GGA2: variants seen among roughly 807,000 people sequenced by gnomAD.
The protein encoded by GGA2 is ADP-ribosylation factor-binding protein GGA2.
In GGA2, 48 loss-of-function variants were observed where a neutral mutation model predicts 79.5. The observed-to-expected ratio is 0.60, with a 90% CI of 0.48 to 0.77. The LOEUF is 0.77. GGA2 is among the 30% of genes least tolerant of loss of function. GGA2 has a pLI of 0.00. For missense variants in GGA2, 770 were observed against 774.0 expected (o/e 0.99, Z 0.06); for synonymous variants, 317 against 302.0 (o/e 1.05, Z -0.51).
upstream of GGA2, among the ~76,000 whole-genome samples, chr16:23,510,948 TTAGAGACTGGGTTTCACCATGTTGCCCGG>T (rs1965046266): frequency 1.7e-5 from 2 of 121,066 alleles, no homozygotes; most frequent in African/African-American, 3.3e-5. Flanking sequence ...TGTGTGTGTG[TTAGAGACTGGGTTTCACCATGTTGCCCGG>T]GTGGTCTCGA....
chr16:23,494,428 A>C, intron 2 of GGA2, 50 bp from the exon 3 acceptor site: 1 of 1,163,798 alleles, frequency 8.6e-7, no homozygotes, highest in Non-Finnish European at 1.3e-6. Flanking sequence ...AAAGAAACTA[A>C]CCCGAGTGGC....
upstream of GGA2, among the ~76,000 whole-genome samples, chr16:23,514,045 A>T (rs1965089522): frequency 6.6e-6 from 1 of 152,114 alleles, no homozygotes; most frequent in Non-Finnish European, 1.5e-5. Context: ...ACCTAAATAT[A>T]AAAGTAGACA....
At chr16:23,495,604 C>A (rs530902174) in intron 2 of GGA2, 90 bp downstream of exon 2, 4 of 689,046 alleles carry the variant, frequency 5.8e-6, no homozygotes, top group Admixed American at 2.6e-5. Flanking sequence ...GCCTAGAGAG[C>A]TTAACCCTAA....
Position 23,488,702 on chromosome 16 carries a change from T to C in GGA2, c.483A>G (p.Ile161Met), listed in dbSNP as rs1285929903. ...AYQMLKKQGIIKQDPKLPVDK... is the reference protein window; with the variant it reads ...AYQMLKKQGIMKQDPKLPVDK... ...CCACTGGTAGTTTAGGGTCTTGTTTTATAATTCCTAAAAATGCAATTTACA... is the reference window on the plus strand; with the variant it reads ...CCACTGGTAGTTTAGGGTCTTGTTTCATAATTCCTAAAAATGCAATTTACA... The change falls in exon 6 of 17, where the codon ATA becomes ATG. Residue 161 changes from isoleucine (I) to methionine (M), a missense_variant. Coordinates refer to ENST00000309859, the MANE Select transcript of GGA2 (RefSeq NM_015044.4). The C allele has an allele frequency of 3.8e-6, 6 of 1,570,922 alleles. No individual in the cohort carries two copies. The Admixed American group carries it at 5.1e-5, about 13-fold the overall frequency.
chr16:23,486,607 C>G, intron 7 of GGA2, 103 bp downstream of exon 7: 2 of 786,852 alleles, frequency 2.5e-6, no homozygotes, highest in Non-Finnish European at 4.6e-6. Context: ...CACTCTTTCT[C>G]CCAGGCAACC....
At chr16:23,522,700 C>G (rs181339790), upstream of GGA2, 3 of 152,190 alleles carry the variant, frequency 2.0e-5, no homozygotes, top group African/African-American at 4.8e-5. Flanking sequence ...ACTGCTGAAA[C>G]GCAAATTATC....
In GGA2 at chr16:23,521,797, C is replaced by T. The variant is rs117638360; in HGVS notation, c.4G>A (p.Val2Ile). 4.0e-3 allele frequency: 1,797 copies of T among 454,122 alleles called. 6 individuals are homozygous for T. Among genetic ancestry groups the T allele is most frequent in the Non-Finnish European group, 5.9e-3 (1,344 of 226,330 alleles). 28.1% of individuals were successfully genotyped at this position (454,122 alleles called of 1,614,324 possible). A position where few individuals can be genotyped will look rare whatever the true frequency, so the allele number is the denominator to read the frequency against. ...CACTTTGTTAAAAACACTCACTTGA[C>T]CATGAGCCAAGAAGCTCCTTTTAAC... Residue 2 changes from valine to isoleucine, a missense_variant, in exon 1 of 6, where the codon GTC (valine) becomes ATC (isoleucine). Transcript: ENST00000569300.
chr16:23,467,441 C>CTGCAGAA lies in GGA2; in HGVS notation c.*142_*148dup, dbSNP rs1964454649. 2 of 615,186 alleles carry CTGCAGAA rather than the reference C, an allele frequency of 3.3e-6. No homozygotes were observed. Among genetic ancestry groups the CTGCAGAA allele is most frequent in the Non-Finnish European group, 5.9e-6 (2 of 338,886 alleles). The allele number at this position is 615,186 out of a possible 1,614,324, so 38.1% of individuals were successfully genotyped here. A position where few individuals can be genotyped will look rare whatever the true frequency, so the allele number is the denominator to read the frequency against. ...ACACACACACACACACACAGAGCATCTGCAGAATAAGTCAGAGGTTGACAC... is the reference window on the plus strand; with the variant it reads ...ACACACACACACACACACAGAGCATCTGCAGAATGCAGAATAAGTCAGAGGTTGACAC... On this transcript the variant is annotated 3_prime_UTR_variant, in exon 17 of 17. Transcript: ENST00000309859.
intron 1 of GGA2, among the ~76,000 whole-genome samples, chr16:23,520,918 A>G (rs980624190): frequency 2.0e-5 from 3 of 152,054 alleles, no homozygotes; most frequent in Non-Finnish European, 4.4e-5. Flanking sequence ...CAGCCACCCA[A>G]GTAGCTGGGA....
At chr16:23,486,865 A>C (rs1198285521) in intron 6 of GGA2, 75 bp from the exon 7 acceptor site, 2 of 860,258 alleles carry the variant, frequency 2.3e-6, no homozygotes, top group African/African-American at 1.6e-5. Context: ...CAGCAACAGA[A>C]GAGTTAACAC....
chr16:23,478,707 C>G (rs773020238), intron 12 of GGA2, 176 bp downstream of exon 12: 16 of 734,140 alleles, frequency 2.2e-5, no homozygotes, highest in Non-Finnish European at 3.7e-5. Flanking sequence ...TGCAACCTGT[C>G]TCCCCCAGGT....
chr16:23,472,878 C>A (rs1343264813), intron 14 of GGA2, among the ~76,000 whole-genome samples: 1 of 151,184 alleles, frequency 6.6e-6, no homozygotes, highest in Non-Finnish European at 1.5e-5. Flanking sequence ...ACTAAAAATA[C>A]AAAAAAGTAG....
intron 1 of GGA2, among the ~76,000 whole-genome samples, chr16:23,508,965 C>G (rs1449419402): frequency 6.6e-6 from 1 of 152,118 alleles, no homozygotes; most frequent in Non-Finnish European, 1.5e-5. Context: ...ACCGAGGCTG[C>G]TGACTACGCC....
At chr16:23,476,425 C>T (rs1338330973) in intron 13 of GGA2, among the ~76,000 whole-genome samples, 1 of 152,118 alleles carries the variant, frequency 6.6e-6, no homozygotes, top group Non-Finnish European at 1.5e-5. Context: ...TACATTCACA[C>T]CTTAGAGAAC....
chr16:23,494,549 A>G, intron 2 of GGA2, 171 bp from the exon 3 acceptor site: 1 of 622,942 alleles, frequency 1.6e-6, no homozygotes, highest in Non-Finnish European at 2.9e-6. Context: ...GCCACCTCGC[A>G]CCCACCCTGG....
chr16:23,497,934 G>A lies in GGA2; in HGVS notation c.92-2156C>T, dbSNP rs577976925. On this transcript the variant is annotated intron_variant, in intron 1 of 16. Coordinates refer to ENST00000309859, the MANE Select transcript of GGA2 (RefSeq NM_015044.4). ...GGACCGCTTGAGCCTAGGAGGTTGAGACCAGCCTGAGCAACATAACGAGAC... is the reference window on the plus strand; with the variant it reads ...GGACCGCTTGAGCCTAGGAGGTTGAAACCAGCCTGAGCAACATAACGAGAC... 3.7e-4 allele frequency among the ~76,000 whole-genome samples: 56 copies of A among 152,276 alleles called. 1 individual carries two copies. The South Asian group carries it at 4.4e-3, about 12-fold the overall frequency.
intron 2 of GGA2, among the ~76,000 whole-genome samples, chr16:23,494,849 G>C (rs1964834809): frequency 6.6e-6 from 1 of 151,982 alleles, no homozygotes; most frequent in African/African-American, 2.4e-5. Context: ...TGGGAGGTCA[G>C]GGCAGGTGGA....
At position 23,495,767 on chromosome 16, in the gene GGA2, C is replaced by T. The variant is rs764984753; in HGVS notation, c.103G>A (p.Asp35Asn). 56 of 1,610,480 alleles carry T rather than the reference C, an allele frequency of 3.5e-5. No homozygotes were observed. The highest frequency in any genetic ancestry group is 5.0e-5 in the Admixed American group (3 of 59,826). The stretch of plus-strand genomic sequence containing the variant: ...CAATCCTGTTCCGACATGCTTGGGT[C>T]TGTGGCTTTGTCTGTCAAATAAATA... Reference protein sequence around the residue: ...SLELWLNKATDPSMSEQDWSA... With the variant: ...SLELWLNKATNPSMSEQDWSA... Residue 35 changes from aspartate to asparagine, a missense_variant, in exon 2 of 17, where the codon GAC becomes AAC. Physicochemically the swap from Asp to Asn is conservative, Grantham distance 23 (BLOSUM62 1). Coordinates refer to ENST00000309859, the MANE Select transcript of GGA2 (RefSeq NM_015044.4).
chr16:23,486,151 T>C lies in GGA2; in HGVS notation c.662A>G (p.Glu221Gly), dbSNP rs1270036760. The change falls in exon 8 of 17, where the codon GAA becomes GGA. Residue 221 changes from glutamate (E) to glycine (G), a missense_variant and splice_region_variant. Physicochemically the swap from Glu to Gly is moderately conservative, Grantham distance 98 (BLOSUM62 -2). Coordinates refer to ENST00000309859, the MANE Select transcript of GGA2 (RefSeq NM_015044.4). ...GGACACCTTCTCCGATTTTTCTTGT[T>C]CCTTTTGGGAAAAAGAGGAGGATGG... ...NRLIKNLVKE[E>G]QEKSEKVSKR... The C allele has an allele frequency of 6.2e-7, 1 of 1,613,648 alleles. No homozygotes were observed. Among genetic ancestry groups the C allele is most frequent in the Non-Finnish European group, 8.5e-7 (1 of 1,179,788 alleles).
Sources: allele counts gnomAD v4.1 joint callset (sites outside exome capture counted in the v4.1 genomes callset), GRCh38; gene constraint gnomAD v4.1.1; transcripts MANE v1.5; gene names NCBI Gene and HGNC (gene_info 2026-07-23, HGNC 2026-07-21).